KCNQ5: variants seen among roughly 807,000 people sequenced by gnomAD.
KCNQ5 encodes the protein potassium voltage-gated channel subfamily KQT member 5.
In KCNQ5, 30 loss-of-function variants were observed where a neutral mutation model predicts 98.2. The observed-to-expected ratio is 0.31, with a 90% CI of 0.23 to 0.41. KCNQ5 has a LOEUF of 0.41. Among genes scored for constraint, KCNQ5 ranks in the 10% least tolerant of loss-of-function variants. The pLI is 1.00. For missense variants in KCNQ5, 835 were observed against 1,182.5 expected (o/e 0.71, Z 4.31); for synonymous variants, 458 against 449.4 (o/e 1.02, Z -0.24).
intron 3 of KCNQ5, among the ~76,000 whole-genome samples, chr6:73,047,102 T>C (rs1772001722): frequency 6.6e-6 from 1 of 152,220 alleles, no homozygotes; most frequent in Admixed American, 6.5e-5. Flanking sequence ...TGGAAAATTG[T>C]CTTTACTGTT....
chr6:72,792,343 A>G (rs557794553), intron 1 of KCNQ5, among the ~76,000 whole-genome samples: 6 of 152,254 alleles, frequency 3.9e-5, no homozygotes, highest in Admixed American at 6.5e-5. Context: ...GGATCTTGCT[A>G]TACCATTCTC....
intron 13 of KCNQ5, among the ~76,000 whole-genome samples, chr6:73,194,214 G>A (rs750163620): frequency 6.6e-6 from 1 of 152,096 alleles, no homozygotes; most frequent in Non-Finnish European, 1.5e-5. Flanking sequence ...AAGTGGTGGG[G>A]GAGAGATGCT....
intron 1 of KCNQ5, among the ~76,000 whole-genome samples, chr6:73,002,327 G>C (rs1050391092): frequency 6.6e-6 from 1 of 152,000 alleles, no homozygotes; most frequent in Non-Finnish European, 1.5e-5. Context: ...TGCTTATTCA[G>C]CACACTGCAT....
chr6:73,019,077 T>A (rs1180385020), intron 2 of KCNQ5, among the ~76,000 whole-genome samples: 1 of 152,116 alleles, frequency 6.6e-6, no homozygotes, highest in Non-Finnish European at 1.5e-5. Flanking sequence ...CTGTGATATA[T>A]GACAGGGTGA....
chr6:73,028,576 C>T (rs915263043), intron 2 of KCNQ5, among the ~76,000 whole-genome samples: 5 of 152,146 alleles, frequency 3.3e-5, no homozygotes, highest in Admixed American at 6.5e-5. Context: ...AACTTGACAC[C>T]GCTCTATCAC....
intron 1 of KCNQ5, among the ~76,000 whole-genome samples, chr6:72,983,710 C>T (rs1483959694): frequency 2.6e-5 from 4 of 152,170 alleles, no homozygotes; most frequent in Non-Finnish European, 5.9e-5. Flanking sequence ...CAGTTTTGTT[C>T]CATTGCTGGT....
intron 3 of KCNQ5, among the ~76,000 whole-genome samples, chr6:73,042,729 A>T (rs1393640440): frequency 6.6e-6 from 1 of 152,186 alleles, no homozygotes; most frequent in Non-Finnish European, 1.5e-5. Context: ...GAGAGACATC[A>T]TTCACCTGGG....
chr6:73,126,324 G>C (rs979392144), intron 9 of KCNQ5, among the ~76,000 whole-genome samples: 2 of 152,160 alleles, frequency 1.3e-5, no homozygotes, highest in Non-Finnish European at 2.9e-5. Flanking sequence ...AAATGACATG[G>C]AGGTGCTTGA....
chr6:72,982,487 C>CTTTTTTTTTTTTTT (rs141947372), intron 1 of KCNQ5, among the ~76,000 whole-genome samples: 3 of 60,260 alleles, frequency 5.0e-5, no homozygotes, highest in Admixed American at 2.3e-4. Context: ...GCAACCCCTG[C>CTTTTTTTTTTTTTT]TTTTTTTTTT....
At chr6:72,965,351 G>C (rs547031647) in intron 1 of KCNQ5, among the ~76,000 whole-genome samples, 1 of 152,290 alleles carries the variant, frequency 6.6e-6, no homozygotes, top group Non-Finnish European at 1.5e-5. Context: ...GTATTGATAA[G>C]TTGATAAAAC....
chr6:72,642,469 A>G (rs1026129425), intron 1 of KCNQ5, among the ~76,000 whole-genome samples: 1 of 152,140 alleles, frequency 6.6e-6, no homozygotes, highest in African/African-American at 2.4e-5. Context: ...TACTTTTCAA[A>G]AGAAAATATA....
At chr6:72,865,461 C>G (rs557708335) in intron 1 of KCNQ5, among the ~76,000 whole-genome samples, 19 of 152,282 alleles carry the variant, frequency 1.2e-4, no homozygotes, top group African/African-American at 4.1e-4. Flanking sequence ...GAACCTATCT[C>G]AGGTCATATA....
intron 1 of KCNQ5, among the ~76,000 whole-genome samples, chr6:72,857,867 T>C (rs971910746): frequency 2.0e-5 from 3 of 152,318 alleles, no homozygotes; most frequent in Middle Eastern, 3.4e-3. Context: ...AAAAGTATGT[T>C]CACTAATTTA....
chr6:73,055,328 A>G, intron 3 of KCNQ5: 4 of 1,420,790 alleles, frequency 2.8e-6, no homozygotes, highest in Non-Finnish European at 4.0e-6. Context: ...GTAGCTGCCA[A>G]TAGTGAGGAC....
chr6:72,872,809 G>A (rs778388480), intron 1 of KCNQ5, among the ~76,000 whole-genome samples: 2 of 152,024 alleles, frequency 1.3e-5, no homozygotes, highest in Admixed American at 1.3e-4. Flanking sequence ...CATCTCTGGA[G>A]AGTATTCAAA....
chr6:73,089,035 C>T (rs1403741235), intron 5 of KCNQ5, among the ~76,000 whole-genome samples: 1 of 152,138 alleles, frequency 6.6e-6, no homozygotes, highest in African/African-American at 2.4e-5. Context: ...CAAAAACCTT[C>T]CGTCAGTATT....
chr6:73,164,289 GA>G (rs202077330), intron 10 of KCNQ5, among the ~76,000 whole-genome samples: 77 of 151,308 alleles, frequency 5.1e-4, no homozygotes, highest in African/African-American at 1.7e-3. Flanking sequence ...TTTGAAGCAA[GA>G]AAAAAAAATT....
At chr6:72,956,514 CT>C (rs1488608507) in intron 1 of KCNQ5, among the ~76,000 whole-genome samples, 1 of 71,828 alleles carries the variant, frequency 1.4e-5, no homozygotes, top group Non-Finnish European at 3.0e-5. Context: ...TTTGAAGCTT[CT>C]TTTTAACCCT....
At chr6:73,171,707 T>C (rs949137611) in intron 11 of KCNQ5, among the ~76,000 whole-genome samples, 1 of 152,248 alleles carries the variant, frequency 6.6e-6, no homozygotes, top group Non-Finnish European at 1.5e-5. Context: ...GAAAATTTTA[T>C]TGAACATTAC....
Sources: gnomAD v4.1 joint callset for allele counts (sites outside exome capture counted in the v4.1 genomes callset) on GRCh38, gnomAD v4.1.1 for gene constraint, MANE v1.5 for transcripts, NCBI Gene and HGNC (gene_info 2026-07-23, HGNC 2026-07-21) for gene names.